The following INTS9 variants were observed in gnomAD, a reference collection of about 807,000 sequenced individuals.
INTS9 encodes the protein integrator complex subunit 9, also known as protein related to CPSF subunits of 74 kDa.
In INTS9, 55 loss-of-function variants were observed where a neutral mutation model predicts 79.7. The ratio of observed to expected loss-of-function variants is 0.69; its 90% confidence interval spans 0.56 to 0.86. The LOEUF is 0.86. Among genes scored for constraint, INTS9 ranks in the 40% least tolerant of loss-of-function variants. The pLI is 0.00. For missense variants in INTS9, 721 were observed against 831.5 expected, an observed-to-expected ratio of 0.87 and a Z score of 1.64; for synonymous variants, 319 against 325.2, an observed-to-expected ratio of 0.98 and a Z score of 0.20.
intron 4 of INTS9, among the ~76,000 whole-genome samples, chr8:28,838,440 A>G (rs892770333): frequency 1.3e-5 from 2 of 152,070 alleles, no homozygotes; most frequent in Non-Finnish European, 2.9e-5. Context: ...ATGTGAGGGA[A>G]AAGGCTATCC....
chr8:28,841,797 G>A (rs1445318629), intron 4 of INTS9, among the ~76,000 whole-genome samples: 1 of 152,162 alleles, frequency 6.6e-6, no homozygotes, highest in Non-Finnish European at 1.5e-5. Flanking sequence ...TTAAGAAAAT[G>A]ATAAGGAGCC....
intron 1 of INTS9, among the ~76,000 whole-genome samples, chr8:28,864,872 G>C (rs906527428): frequency 4.0e-5 from 6 of 151,774 alleles, no homozygotes; most frequent in African/African-American, 1.5e-4. Context: ...TGTAATCCCA[G>C]CTACCCGGGA....
At chr8:28,867,069 C>T (rs1187133037) in intron 1 of INTS9, among the ~76,000 whole-genome samples, 1 of 151,932 alleles carries the variant, frequency 6.6e-6, no homozygotes, top group Admixed American at 6.6e-5. Context: ...GGTGGACTGC[C>T]TGAGCTCAGG....
chr8:28,834,663 G>A lies in INTS9; in HGVS notation c.488+629C>T, dbSNP rs186294091. Among the ~76,000 whole-genome samples the A allele has an allele frequency of 5.5e-3, 832 of 150,414 alleles. 9 individuals carry two copies. The highest frequency in any genetic ancestry group is 0.02 in the African/African-American group (797 of 40,696). On this transcript the variant is annotated intron_variant, in intron 6 of 16. Coordinates refer to ENST00000521022, the MANE Select transcript of INTS9 (RefSeq NM_018250.4). ...CAGTTTCTGAGTGCCTACAGCACTG[G>A]GGGCAAACATCTGTTTTTTTTTTTT...
intron 1 of INTS9, among the ~76,000 whole-genome samples, chr8:28,867,188 C>T (rs1167230071): frequency 1.3e-5 from 2 of 152,048 alleles, no homozygotes; most frequent in African/African-American, 4.8e-5. Flanking sequence ...TTTGGGAGGC[C>T]AAGGCGGGTG....
At chr8:28,779,275 T>G (rs1310103860) in intron 12 of INTS9, among the ~76,000 whole-genome samples, 1 of 152,186 alleles carries the variant, frequency 6.6e-6, no homozygotes, top group Non-Finnish European at 1.5e-5. Flanking sequence ...TTCCTCCACC[T>G]TTAGCCCAAA....
chr8:28,879,875 C>G (rs577659025), intron 1 of INTS9, among the ~76,000 whole-genome samples: 1 of 151,972 alleles, frequency 6.6e-6, no homozygotes, highest in East Asian at 1.9e-4. Flanking sequence ...GCAAATCTAC[C>G]GAGACTCGTG....
intron 6 of INTS9, among the ~76,000 whole-genome samples, chr8:28,832,184 T>C (rs571086227): frequency 6.6e-6 from 1 of 151,864 alleles, no homozygotes; most frequent in African/African-American, 2.4e-5. Context: ...TCCTGTCCAG[T>C]CCAGTGGGCA....
rs151113861 is a variant in INTS9, at chr8:28,830,896, C to A, written c.488+4396G>T. 6.3e-3 allele frequency among the ~76,000 whole-genome samples: 956 copies of A among 152,252 alleles called. 12 individuals carry two copies. Among genetic ancestry groups the A allele is most frequent in the African/African-American group, 0.022 (909 of 41,548 alleles). ...AGTTACTACTCTCCTTGCTCCTCTA[C>A]CAAGTTAGTCTCAACAGTTTCTGAT... is the stretch of plus-strand genomic sequence containing the variant. On this transcript the variant is annotated intron_variant, in intron 6 of 16. Transcript: ENST00000521022.
intron 11 of INTS9, 39 bp from the exon 12 acceptor site, chr8:28,781,033 G>T (rs760859653): frequency 1.3e-6 from 2 of 1,562,630 alleles, no homozygotes; most frequent in South Asian, 2.3e-5. Flanking sequence ...ATGTGAGCCT[G>T]CCCAGGCTGA....
chr8:28,779,614 C>G (rs1803120472), intron 12 of INTS9, among the ~76,000 whole-genome samples: 1 of 152,198 alleles, frequency 6.6e-6, no homozygotes, highest in African/African-American at 2.4e-5. Flanking sequence ...ACCCTGCATC[C>G]TGACGCCACC....
At chr8:28,781,894 A>G (rs1184730526) in intron 11 of INTS9, among the ~76,000 whole-genome samples, 1 of 152,138 alleles carries the variant, frequency 6.6e-6, no homozygotes. Context: ...TAGAAAGCAC[A>G]ACGCCAAGGG....
At chr8:28,831,714 T>C (rs527999007) in intron 6 of INTS9, among the ~76,000 whole-genome samples, 4 of 152,268 alleles carry the variant, frequency 2.6e-5, no homozygotes, top group East Asian at 1.9e-4. Flanking sequence ...TTGCCCTTTT[T>C]TTTAGACAGA....
chr8:28,830,326 C>T (rs1157402686), intron 6 of INTS9, among the ~76,000 whole-genome samples: 7 of 152,016 alleles, frequency 4.6e-5, no homozygotes, highest in Admixed American at 4.6e-4. Context: ...TCATTTGATG[C>T]CAATTAAAGA....
At chr8:28,889,830 T>TTA in intron 1 of INTS9, 44 bp downstream of exon 1, 1 of 1,611,098 alleles carries the variant, frequency 6.2e-7, no homozygotes, top group Non-Finnish European at 8.5e-7. Context: ...GTCCAAAAGG[T>TTA]TATAGCATCA....
At chr8:28,878,895 G>A (rs1325410979) in intron 1 of INTS9, among the ~76,000 whole-genome samples, 2 of 151,736 alleles carry the variant, frequency 1.3e-5, no homozygotes, top group Admixed American at 6.6e-5. Flanking sequence ...CATGAGAATC[G>A]CTTGAGCCCG....
chr8:28,859,332 G>A, intron 2 of INTS9, 104 bp downstream of exon 2: 1 of 1,294,430 alleles, frequency 7.7e-7, no homozygotes, highest in Non-Finnish European at 1.1e-6. Context: ...AGGAAACAAA[G>A]CAAACTTACG....
chr8:28,866,582 G>T (rs1808757232), intron 1 of INTS9, among the ~76,000 whole-genome samples: 1 of 152,164 alleles, frequency 6.6e-6, no homozygotes. Context: ...GTCCTTGGGA[G>T]TTTCTTGGTT....
At chr8:28,875,737 G>T (rs1262508385) in intron 1 of INTS9, among the ~76,000 whole-genome samples, 1 of 151,992 alleles carries the variant, frequency 6.6e-6, no homozygotes, top group Non-Finnish European at 1.5e-5. Flanking sequence ...TCACCAAAAC[G>T]TTATATTCTC....
Sources: allele counts gnomAD v4.1 joint callset (sites outside exome capture counted in the v4.1 genomes callset), GRCh38; gene constraint gnomAD v4.1.1; transcripts MANE v1.5; gene names NCBI Gene and HGNC (gene_info 2026-07-23, HGNC 2026-07-21).